Variants in CAST observed in about 807,000 individuals in gnomAD.
CAST encodes calpastatin.
A neutral mutation model predicts 119.6 loss-of-function variants in CAST; 76 were observed. The observed-to-expected ratio is 0.64, with a 90% confidence interval of 0.53 to 0.77. The LOEUF (loss-of-function observed/expected upper bound fraction) is 0.77. CAST is among the 30% of genes least tolerant of loss of function. The probability of loss-of-function intolerance (pLI) is 0.00; values close to 1 mark genes in which losing one functional copy is unlikely to be tolerated. For missense variants in CAST, 953 were observed against 946.5 expected, an observed-to-expected ratio of 1.01 and a Z score of -0.09; for synonymous variants, 319 against 331.6, an observed-to-expected ratio of 0.96 and a Z score of 0.41.
chr5:96,615,566 G>A (rs1489477200), intron 1 of CAST, among the ~76,000 whole-genome samples: 1 of 152,190 alleles, frequency 6.6e-6, no homozygotes, highest in African/African-American at 2.4e-5. Flanking sequence ...GCACATTGAG[G>A]GAGAATTCAA....
At chr5:96,031,467 C>A in the CAST span, among the ~76,000 whole-genome samples, 69 of 152,158 alleles carry the variant, frequency 4.5e-4, 1 homozygote, top group East Asian at 0.013. Context: ...CACTTTTGCC[C>A]GCTTGGTAGA....
At chr5:96,317,030 G>A in the CAST span, among the ~76,000 whole-genome samples, 3 of 152,140 alleles carry the variant, frequency 2.0e-5, no homozygotes, top group Non-Finnish European at 2.9e-5. Flanking sequence ...AGGTTTGAGT[G>A]AGCAAGGCCT....
the CAST span, among the ~76,000 whole-genome samples, chr5:96,358,819 T>A: frequency 6.6e-6 from 1 of 152,238 alleles, no homozygotes; most frequent in South Asian, 2.1e-4. Flanking sequence ...TGATCTGTAG[T>A]GGAGCGTTCT....
chr5:96,074,154 C>T, the CAST span, among the ~76,000 whole-genome samples: 1 of 151,904 alleles, frequency 6.6e-6, no homozygotes, highest in Non-Finnish European at 1.5e-5. Flanking sequence ...TACCTCGCTT[C>T]CCTGAACTAC....
intron 3 of CAST, chr5:96,702,748 AG>A (rs1475753541): frequency 1.2e-5 from 12 of 984,644 alleles, no homozygotes; most frequent in South Asian, 4.7e-5. Context: ...GCCGCCGGGC[AG>A]GGGGGCGGGG....
chr5:96,634,004 A>G (rs1322813641), intron 1 of CAST, among the ~76,000 whole-genome samples: 1 of 152,182 alleles, frequency 6.6e-6, no homozygotes, highest in African/African-American at 2.4e-5. Flanking sequence ...GCAAATGGAG[A>G]GAAGTGATTT....
chr5:96,690,178 G>T lies in CAST; in HGVS notation c.139-5658G>T, dbSNP rs114851097. On this transcript the variant is annotated intron_variant, in intron 2 of 31. Transcript: ENST00000675179. ...CACTGGAGTGTGCTCACCATAGTGG[G>T]TGTTATTAAGGGCCTAGAACATGGG... is the stretch of plus-strand genomic sequence containing the variant. 2.1e-3 allele frequency among the ~76,000 whole-genome samples: 321 copies of T among 152,264 alleles called. 5 individuals carry two copies. The highest frequency in any genetic ancestry group is 7.2e-3 in the African/African-American group (301 of 41,548).
At chr5:96,744,164 G>T (rs577800492) in intron 16 of CAST, among the ~76,000 whole-genome samples, 19 of 152,282 alleles carry the variant, frequency 1.2e-4, no homozygotes, top group African/African-American at 4.3e-4. Context: ...CTTCAGAGTC[G>T]CAGCAAACTA....
intron 1 of CAST, among the ~76,000 whole-genome samples, chr5:96,613,142 C>T (rs1337882045): frequency 1.3e-5 from 2 of 152,194 alleles, no homozygotes; most frequent in Non-Finnish European, 2.9e-5. Context: ...TGACCCTCTC[C>T]ATCTTCTTCT....
At chr5:96,316,269 A>G in the CAST span, among the ~76,000 whole-genome samples, 1 of 152,190 alleles carries the variant, frequency 6.6e-6, no homozygotes, top group South Asian at 2.1e-4. Flanking sequence ...TCTTGCTTAG[A>G]AAGAAATCTT....
At chr5:96,196,270 G>T in the CAST span, among the ~76,000 whole-genome samples, 9 of 151,796 alleles carry the variant, frequency 5.9e-5, no homozygotes, top group Admixed American at 5.3e-4. Flanking sequence ...TACCCTTTCA[G>T]CCATTCAAAC....
chr5:95,994,515 G>A, the CAST span, among the ~76,000 whole-genome samples: 3 of 151,864 alleles, frequency 2.0e-5, no homozygotes, highest in African/African-American at 7.3e-5. Context: ...TTTTTTGGGT[G>A]ATGGAAATAT....
the CAST span, among the ~76,000 whole-genome samples, chr5:96,463,573 T>A: frequency 6.6e-6 from 1 of 152,080 alleles, no homozygotes; most frequent in Admixed American, 6.6e-5. Context: ...AGTATTTTCT[T>A]AAAAATACTT....
the CAST span, chr5:96,392,942 C>T: frequency 6.4e-7 from 1 of 1,573,596 alleles, no homozygotes; most frequent in Non-Finnish European, 8.7e-7. Context: ...CAGACACAGG[C>T]AAAATCGCAG....
chr5:96,290,205 G>A, the CAST span, among the ~76,000 whole-genome samples: 572 of 152,112 alleles, frequency 3.8e-3, 3 homozygotes, highest in African/African-American at 0.013. Flanking sequence ...ATCTTTCCAC[G>A]GTTATATAAA....
the CAST span, among the ~76,000 whole-genome samples, chr5:96,447,227 T>C: frequency 6.6e-6 from 1 of 152,120 alleles, no homozygotes. Flanking sequence ...GACTTGCAAG[T>C]GATACAGTGA....
At chr5:95,981,283 A>G in the CAST span, among the ~76,000 whole-genome samples, 1 of 152,212 alleles carries the variant, frequency 6.6e-6, no homozygotes, top group Non-Finnish European at 1.5e-5. Flanking sequence ...TTTTCTGACC[A>G]CGTATCCTGT....
At chr5:96,248,995 T>G in the CAST span, among the ~76,000 whole-genome samples, 1 of 152,214 alleles carries the variant, frequency 6.6e-6, no homozygotes, top group Non-Finnish European at 1.5e-5. Flanking sequence ...AAGGTACTTA[T>G]AGCTGTTTGT....
chr5:96,140,764 C>T, the CAST span, among the ~76,000 whole-genome samples: 1 of 152,184 alleles, frequency 6.6e-6, no homozygotes. Flanking sequence ...CTGCTGGTAT[C>T]CTCATCACCA....
Sources: gnomAD v4.1 joint callset for allele counts (sites outside exome capture counted in the v4.1 genomes callset) on GRCh38, gnomAD v4.1.1 for gene constraint, MANE v1.5 for transcripts, NCBI Gene and HGNC (gene_info 2026-07-23, HGNC 2026-07-21) for gene names.